Variants in TTC21B observed in about 807,000 individuals in gnomAD.
TTC21B encodes the protein tetratricopeptide repeat domain 21B.
In TTC21B, 127 loss-of-function variants were observed where a neutral mutation model predicts 175.1. The observed-to-expected ratio is 0.73, with a 90% confidence interval of 0.63 to 0.84. TTC21B has a LOEUF of 0.84. Ranked by LOEUF, TTC21B falls within the 40% of genes least tolerant of loss-of-function variation. The probability of loss-of-function intolerance (pLI) is 0.00; values close to 1 mark genes in which losing one functional copy is unlikely to be tolerated. For missense variants in TTC21B, 1,561 were observed against 1,558.3 expected, an observed-to-expected ratio of 1.00 and a Z score of -0.03; for synonymous variants, 524 against 524.5, an observed-to-expected ratio of 1.00 and a Z score of 0.01.
intron 21 of TTC21B, 93 bp from the exon 22 acceptor site, chr2:165,898,860 G>A: frequency 1.2e-6 from 1 of 804,446 alleles, no homozygotes; most frequent in Non-Finnish European, 2.2e-6. Context: ...AAATATAGAT[G>A]ATAAACATGA....
At chr2:165,952,433 G>T (rs1046049296) in intron 1 of TTC21B, among the ~76,000 whole-genome samples, 4 of 152,156 alleles carry the variant, frequency 2.6e-5, no homozygotes, top group African/African-American at 9.7e-5. Context: ...GCCCTTTGTT[G>T]AGAAAGTTTG....
At position 165,911,355 on chromosome 2, in the gene TTC21B, A is replaced by C; in HGVS notation, c.2433T>G (p.Val811=). 1 of 1,613,936 alleles carries C rather than the reference A, an allele frequency of 6.2e-7. No individual in the cohort carries two copies. The highest frequency in any genetic ancestry group is 8.5e-7 in the Non-Finnish European group (1 of 1,179,906). ...KLKWYDKAEK[V]LQHALAHEPV... is the part of the protein sequence containing the mutation. ...GTTCATGAGCCAGAGCATGCTGAAG[A>C]ACTTTTTCTGCTTTGTCATACCATT... Residue 811 remains valine, a synonymous_variant, in exon 18 of 29, where the codon GTT becomes GTG. Coordinates refer to ENST00000243344, the MANE Select transcript of TTC21B (RefSeq NM_024753.5).
chr2:165,890,715 G>T, intron 23 of TTC21B, 75 bp from the exon 24 acceptor site: 1 of 1,552,006 alleles, frequency 6.4e-7, no homozygotes, highest in Non-Finnish European at 8.9e-7. Flanking sequence ...AATCTGTCTG[G>T]TAAATAAAAC....
chr2:165,949,912 T>C, intron 1 of TTC21B, 188 bp from the exon 2 acceptor site: 1 of 531,110 alleles, frequency 1.9e-6, no homozygotes, highest in Non-Finnish European at 3.3e-6. Context: ...TGAATGATCA[T>C]AAAATTACTG....
In TTC21B at chr2:165,911,305, CAA is replaced by C; in HGVS notation, c.2461+20_2461+21del. 1 of 1,613,358 alleles carries C rather than the reference CAA, an allele frequency of 6.2e-7. No individual in the cohort carries two copies. The highest frequency in any genetic ancestry group is 8.5e-7 in the Non-Finnish European group (1 of 1,179,716). ...TGGATCAGAGTTATCAGACTTTTTT[CAA>C]ACCAGAAAGACTTTCATACCAGGTT... On this transcript the variant is annotated intron_variant, in intron 18 of 28. Coordinates refer to ENST00000243344, the MANE Select transcript of TTC21B (RefSeq NM_024753.5).
chr2:165,939,361 G>C (rs1687283754), intron 6 of TTC21B, among the ~76,000 whole-genome samples: 1 of 152,136 alleles, frequency 6.6e-6, no homozygotes, highest in African/African-American at 2.4e-5. Flanking sequence ...CCAAACTGAA[G>C]TAAAGGTGAC....
intron 6 of TTC21B, chr2:165,933,758 C>T (rs1364845902): frequency 6.6e-6 from 1 of 152,138 alleles, no homozygotes; most frequent in Non-Finnish European, 1.5e-5. Context: ...TGGAGTGTAC[C>T]CTACTGCTTC....
chr2:165,903,565 T>G (rs1186214904), intron 19 of TTC21B, among the ~76,000 whole-genome samples: 1 of 152,112 alleles, frequency 6.6e-6, no homozygotes, highest in Admixed American at 6.5e-5. Flanking sequence ...CTGGGATCAA[T>G]CAGGAGGCTA....
intron 18 of TTC21B, among the ~76,000 whole-genome samples, chr2:165,909,614 A>G (rs1685861129): frequency 6.6e-6 from 1 of 152,182 alleles, no homozygotes. Flanking sequence ...TTTCATGACT[A>G]ACACGACATA....
At chr2:165,889,640 T>C (rs1574070107) in intron 24 of TTC21B, among the ~76,000 whole-genome samples, 1 of 152,322 alleles carries the variant, frequency 6.6e-6, no homozygotes, top group East Asian at 1.9e-4. Context: ...CTGGTCTCGG[T>C]AATCCAAGCG....
chr2:165,928,497 G>C (rs1220180938), intron 11 of TTC21B, among the ~76,000 whole-genome samples: 1 of 152,002 alleles, frequency 6.6e-6, no homozygotes, highest in African/African-American at 2.4e-5. Flanking sequence ...ACAAAATAAA[G>C]AATATCATCA....
chr2:165,945,766 G>C (rs1687536152), intron 3 of TTC21B, 76 bp from the exon 4 acceptor site: 3 of 1,476,180 alleles, frequency 2.0e-6, no homozygotes, highest in Non-Finnish European at 2.8e-6. Context: ...TAATTAACAA[G>C]GCAAAAAATT....
chr2:165,941,211 C>T, intron 5 of TTC21B, 27 bp from the exon 6 acceptor site: 4 of 1,613,100 alleles, frequency 2.5e-6, no homozygotes, highest in South Asian at 1.1e-5. Context: ...AAAGTGATAT[C>T]CAAACTGTGA....
intron 13 of TTC21B, 38 bp from the exon 14 acceptor site, chr2:165,917,519 C>A (rs756343744): frequency 9.8e-6 from 14 of 1,435,102 alleles, no homozygotes; most frequent in Non-Finnish European, 1.4e-5. Context: ...GGAGTGCTTA[C>A]AACATCAACA....
chr2:165,919,198 C>A (rs1307706728), intron 13 of TTC21B, 78 bp downstream of exon 13: 6 of 1,551,370 alleles, frequency 3.9e-6, no homozygotes, highest in Middle Eastern at 1.9e-4. Flanking sequence ...ATACTACAGG[C>A]TAAAACACAA....
chr2:165,935,676 AG>A (rs2105352527), intron 6 of TTC21B, among the ~76,000 whole-genome samples: 1 of 152,336 alleles, frequency 6.6e-6, no homozygotes, highest in South Asian at 2.1e-4. Flanking sequence ...GCAATGAACA[AG>A]TGGTATTTGA....
At chr2:165,883,174 T>A (rs1380852940) in intron 26 of TTC21B, among the ~76,000 whole-genome samples, 1 of 151,898 alleles carries the variant, frequency 6.6e-6, no homozygotes, top group African/African-American at 2.4e-5. Context: ...TTGTGTGCAA[T>A]TATTTCTCAA....
chr2:165,945,253 A>G (rs879435597), intron 4 of TTC21B, among the ~76,000 whole-genome samples: 9 of 151,814 alleles, frequency 5.9e-5, no homozygotes, highest in Non-Finnish European at 7.4e-5. Flanking sequence ...AAGGAAAAAA[A>G]GGTAGAGAAA....
At chr2:165,915,149 A>AT in intron 15 of TTC21B, 52 bp downstream of exon 15, 2 of 1,462,588 alleles carry the variant, frequency 1.4e-6, no homozygotes, top group South Asian at 1.2e-5. Flanking sequence ...ATTGGGAATT[A>AT]ATACTAGTGG....
Sources: allele counts gnomAD v4.1 joint callset (sites outside exome capture counted in the v4.1 genomes callset), GRCh38; gene constraint gnomAD v4.1.1; transcripts MANE v1.5; gene names NCBI Gene and HGNC (gene_info 2026-07-23, HGNC 2026-07-21).